Variants in GATAD2A observed in about 807,000 individuals in gnomAD.
GATAD2A encodes transcriptional repressor p66-alpha.
A neutral mutation model predicts 68.5 loss-of-function variants in GATAD2A; 12 were observed. The ratio of observed to expected loss-of-function variants is 0.18; its 90% CI spans 0.11 to 0.28. The LOEUF is 0.28. GATAD2A is among the 10% of genes least tolerant of loss of function. GATAD2A has a pLI of 1.00. For synonymous variants in GATAD2A, 410 were observed against 375.3 expected, an observed-to-expected ratio of 1.09 and a Z score of -1.07; for missense variants, 755 against 868.5, an observed-to-expected ratio of 0.87 and a Z score of 1.64.
intron 1 of GATAD2A, among the ~76,000 whole-genome samples, chr19:19,447,845 T>C (rs937992813): frequency 6.6e-6 from 1 of 152,224 alleles, no homozygotes; most frequent in Non-Finnish European, 1.5e-5. Flanking sequence ...TCCCTCACTT[T>C]CCACTTGACA....
At chr19:19,440,783 C>T (rs1359214816) in intron 1 of GATAD2A, among the ~76,000 whole-genome samples, 1 of 152,190 alleles carries the variant, frequency 6.6e-6, no homozygotes, top group Non-Finnish European at 1.5e-5. Context: ...AGTTGTAACA[C>T]ACATTGGTGA....
chr19:19,501,317 G>A lies in GATAD2A; in HGVS notation c.1404G>A (p.Gln468=). ...RLKAAFVKAL[Q]QEQEIEQRLL... is the part of the protein sequence containing the mutation. ...AGGCCGCCTTTGTGAAGGCGCTGCA[G>A]CAGGAACAGGAGATTGAGCAGCGGC... The change falls in exon 9 of 12, where the codon CAG becomes CAA. Residue 468 remains glutamine (Q), a synonymous_variant. Coordinates refer to ENST00000683918, the MANE Select transcript of GATAD2A (RefSeq NM_001384528.1). 1.9e-6 allele frequency: 3 copies of A among 1,613,062 alleles called. No homozygotes were observed. Among genetic ancestry groups the A allele is most frequent in the Non-Finnish European group, 2.5e-6 (3 of 1,179,922 alleles).
chr19:19,454,040 C>T (rs1440125358), intron 1 of GATAD2A, among the ~76,000 whole-genome samples: 1 of 151,162 alleles, frequency 6.6e-6, no homozygotes, highest in Non-Finnish European at 1.5e-5. Context: ...TCTTGTTGCC[C>T]AGGCTGGAGT....
chr19:19,489,516 CA>C (rs1419106889), intron 2 of GATAD2A, among the ~76,000 whole-genome samples: 1 of 152,200 alleles, frequency 6.6e-6, no homozygotes, highest in African/African-American at 2.4e-5. Context: ...GCTGAGTGAT[CA>C]TTGATGGGTG....
Position 19,444,900 on chromosome 19 carries a change from G to C in GATAD2A, c.-6-20440G>C, listed in dbSNP as rs947250172. Among the ~76,000 whole-genome samples the C allele has an allele frequency of 4.7e-5, 7 of 149,596 alleles. No homozygotes were observed. The East Asian group carries it at 1.4e-3, about 29-fold the overall frequency. On this transcript the variant is annotated intron_variant, in intron 1 of 11. Transcript: ENST00000683918. The stretch of plus-strand genomic sequence containing the variant: ...AAAAAAAAAAAAAAAAGCCACCATG[G>C]CAGTTTTGTTTTATTTGGATTTTAG...
At chr19:19,434,049 A>C (rs2054044016) in intron 1 of GATAD2A, among the ~76,000 whole-genome samples, 1 of 152,210 alleles carries the variant, frequency 6.6e-6, no homozygotes, top group African/African-American at 2.4e-5. Flanking sequence ...CTGTAATTAG[A>C]GGCATGAGCC....
chr19:19,436,034 A>G (rs2054298553), intron 1 of GATAD2A: 1 of 518,946 alleles, frequency 1.9e-6, no homozygotes, highest in Middle Eastern at 3.4e-4. Flanking sequence ...AAATTTTGCT[A>G]TGTAATTCCA....
At chr19:19,461,386 G>T (rs1372189464) in intron 1 of GATAD2A, among the ~76,000 whole-genome samples, 1 of 152,158 alleles carries the variant, frequency 6.6e-6, no homozygotes, top group Non-Finnish European at 1.5e-5. Context: ...GGCCTGGTGT[G>T]CCAGAAGTGT....
At chr19:19,451,448 T>C (rs1006188219) in intron 1 of GATAD2A, among the ~76,000 whole-genome samples, 4 of 152,214 alleles carry the variant, frequency 2.6e-5, no homozygotes, top group African/African-American at 9.6e-5. Flanking sequence ...AGTTCACGCA[T>C]TGTCCAGATG....
chr19:19,422,187 A>G (rs926348703), intron 1 of GATAD2A, among the ~76,000 whole-genome samples: 12 of 152,130 alleles, frequency 7.9e-5, no homozygotes, highest in African/African-American at 2.4e-4. Context: ...ACATATCAGC[A>G]TTTTCATACT....
At chr19:19,476,593 C>T (rs1187285373) in intron 2 of GATAD2A, among the ~76,000 whole-genome samples, 1 of 152,218 alleles carries the variant, frequency 6.6e-6, no homozygotes, top group Non-Finnish European at 1.5e-5. Flanking sequence ...CTGGAGGCTA[C>T]GGGGCGGCTT....
At chr19:19,490,072 A>G (rs2059683352) in intron 2 of GATAD2A, among the ~76,000 whole-genome samples, 1 of 152,218 alleles carries the variant, frequency 6.6e-6, no homozygotes, top group Non-Finnish European at 1.5e-5. Flanking sequence ...CTTTAGAAAC[A>G]AACTACCCGG....
chr19:19,468,512 A>G (rs1288094798), intron 2 of GATAD2A, among the ~76,000 whole-genome samples: 1 of 152,264 alleles, frequency 6.6e-6, no homozygotes, highest in Admixed American at 6.5e-5. Flanking sequence ...TAGATACATC[A>G]TAGTCAAACT....
chr19:19,387,646 T>A (rs540620012), intron 1 of GATAD2A, among the ~76,000 whole-genome samples: 1 of 152,168 alleles, frequency 6.6e-6, no homozygotes, highest in East Asian at 1.9e-4. Context: ...GCCTTCACTT[T>A]CCTGAGGGGG....
At chr19:19,457,710 C>T (rs1180096325) in intron 1 of GATAD2A, among the ~76,000 whole-genome samples, 1 of 150,592 alleles carries the variant, frequency 6.6e-6, no homozygotes, top group Non-Finnish European at 1.5e-5. Flanking sequence ...CACTGCACTC[C>T]AGCCTGGGCA....
chr19:19,485,630 T>A (rs972402136), intron 2 of GATAD2A, among the ~76,000 whole-genome samples: 1 of 152,216 alleles, frequency 6.6e-6, no homozygotes, highest in African/African-American at 2.4e-5. Context: ...CTGAAAAGGC[T>A]GCCACGTCAC....
chr19:19,412,885 A>G (rs879541598), intron 1 of GATAD2A, among the ~76,000 whole-genome samples: 9 of 152,178 alleles, frequency 5.9e-5, no homozygotes, highest in Non-Finnish European at 4.4e-5. Context: ...GGATTGACTT[A>G]AAATTTTTCA....
At chr19:19,411,108 C>G (rs541929888) in intron 1 of GATAD2A, among the ~76,000 whole-genome samples, 3 of 152,208 alleles carry the variant, frequency 2.0e-5, no homozygotes, top group Non-Finnish European at 4.4e-5. Flanking sequence ...GGGCGCATGC[C>G]TCAGCTTTGT....
chr19:19,493,878 G>A (rs2059973069), intron 4 of GATAD2A, among the ~76,000 whole-genome samples: 1 of 152,022 alleles, frequency 6.6e-6, no homozygotes, highest in Non-Finnish European at 1.5e-5. Context: ...CTTCTCTACT[G>A]GAACATGCAG....
Sources: allele counts gnomAD v4.1 joint callset (sites outside exome capture counted in the v4.1 genomes callset), GRCh38; gene constraint gnomAD v4.1.1; transcripts MANE v1.5; gene names NCBI Gene and HGNC (gene_info 2026-07-23, HGNC 2026-07-21).